C7: variants seen among roughly 807,000 people sequenced by gnomAD.
C7 encodes the protein complement component C7.
Under a neutral mutation model 104.8 loss-of-function variants are expected in C7, and 83 were observed. The observed-to-expected ratio is 0.79, with a 90% CI of 0.66 to 0.95. The LOEUF (loss-of-function observed/expected upper bound fraction) is 0.95. Ranked by LOEUF, C7 falls within the 40% of genes least tolerant of loss-of-function variation. C7 has a pLI of 0.00. For synonymous variants in C7, 415 were observed against 360.6 expected, an observed-to-expected ratio of 1.15 and a Z score of -1.71; for missense variants, 1,070 against 1,011.2, an observed-to-expected ratio of 1.06 and a Z score of -0.79.
In C7 at chr5:40,962,083, A is replaced by G; in HGVS notation, c.1662-2A>G. 1.3e-6 allele frequency: 2 copies of G among 1,500,860 alleles called. No individual in the cohort carries two copies. The highest frequency in any genetic ancestry group is 1.8e-6 in the Non-Finnish European group (2 of 1,112,040). The allele number at this position is 1,500,860 out of a possible 1,614,324, so 93.0% of individuals were successfully genotyped here. A position where few individuals can be genotyped will look rare whatever the true frequency, so the allele number is the denominator to read the frequency against. ...CATTAATTACATTTTTTTTCCTTCC[A>G]GGTTGCTTGAACCACATTGCTTTCC... is the stretch of plus-strand genomic sequence containing the variant. On this transcript the variant is annotated splice_acceptor_variant, in intron 12 of 17. Transcript: ENST00000313164. LOFTEE classifies it high-confidence loss of function.
chr5:40,962,187 A>G lies in C7; in HGVS notation c.1749+15A>G. 3 of 1,462,188 alleles carry G rather than the reference A, an allele frequency of 2.1e-6. No homozygotes were observed. Among genetic ancestry groups the G allele is most frequent in the Non-Finnish European group, 2.8e-6 (3 of 1,072,300 alleles). The allele number at this position is 1,462,188 out of a possible 1,614,324, so 90.6% of individuals were successfully genotyped here. A position where few individuals can be genotyped will look rare whatever the true frequency, so the allele number is the denominator to read the frequency against. ...GATTTGTTCAAGTTGGTTATGAAAG[A>G]TATTTTTTTCCTTTATAATGCTCTA... On this transcript the variant is annotated intron_variant, in intron 13 of 17. Coordinates refer to ENST00000313164, the MANE Select transcript of C7 (RefSeq NM_000587.4).
chr5:40,967,201 G>C (rs1277028935), intron 14 of C7, among the ~76,000 whole-genome samples: 1 of 151,852 alleles, frequency 6.6e-6, no homozygotes, highest in African/African-American at 2.4e-5. Flanking sequence ...GAGTAGCTGG[G>C]ACAACAGCCG....
chr5:40,953,116 C>G (rs1353062189), intron 9 of C7, among the ~76,000 whole-genome samples: 1 of 152,034 alleles, frequency 6.6e-6, no homozygotes, highest in Non-Finnish European at 1.5e-5. Context: ...AAAAGTGTTA[C>G]TGTATATATT....
chr5:40,918,515 A>G (rs932813022), intron 1 of C7, among the ~76,000 whole-genome samples: 2 of 152,174 alleles, frequency 1.3e-5, no homozygotes, highest in African/African-American at 4.8e-5. Context: ...GTGAATGAAT[A>G]AAAAAACAAG....
chr5:40,945,426 A>G (rs1045885299), intron 7 of C7, 58 bp downstream of exon 7: 4 of 1,132,924 alleles, frequency 3.5e-6, no homozygotes, highest in East Asian at 5.1e-5. Context: ...TATTGCTTAC[A>G]TTAATAAACT....
In C7 at chr5:40,966,618, C is replaced by T. The variant is rs182298773; in HGVS notation, c.1882+1745C>T. On this transcript the variant is annotated intron_variant, in intron 14 of 17. Coordinates refer to ENST00000313164, the MANE Select transcript of C7 (RefSeq NM_000587.4). ...GGTCTTGAACTCCTGACCTCGTGAT[C>T]TGCCTGAATCGGCCTCCCAAAGTGC... 2.6e-5 allele frequency among the ~76,000 whole-genome samples: 4 copies of T among 152,190 alleles called. No homozygotes were observed. In the East Asian group the frequency reaches 7.7e-4, roughly 29 times the overall value.
intron 6 of C7, 96 bp downstream of exon 6, chr5:40,937,786 G>A: frequency 9.8e-7 from 1 of 1,019,190 alleles, no homozygotes; most frequent in Non-Finnish European, 1.4e-6. Flanking sequence ...TTTACTTATG[G>A]CCTAATGTGT....
chr5:40,930,133 T>C (rs1472703760), intron 2 of C7, among the ~76,000 whole-genome samples: 1 of 152,136 alleles, frequency 6.6e-6, no homozygotes, highest in East Asian at 1.9e-4. Flanking sequence ...ATGAGATATA[T>C]TGTACTATGA....
At chr5:40,950,705 C>T (rs893136030) in intron 9 of C7, among the ~76,000 whole-genome samples, 4 of 152,158 alleles carry the variant, frequency 2.6e-5, no homozygotes, top group Non-Finnish European at 5.9e-5. Flanking sequence ...AATATGTTAT[C>T]AGTGTGCAGC....
Position 40,964,759 on chromosome 5 carries a change from C to A in C7, c.1768C>A (p.Pro590Thr). The A allele has an allele frequency of 6.2e-7, 1 of 1,613,086 alleles. No individual in the cohort carries two copies. Among genetic ancestry groups the A allele is most frequent in the Non-Finnish European group, 8.5e-7 (1 of 1,179,286 alleles). ...GFVQDEGTMF[P>T]VGKNVVYTCN... ...TGTTTAGGATGAAGGTACAATGTTT[C>A]CTGTGGGGAAAAATGTAGTGTACAC... is the stretch of plus-strand genomic sequence containing the variant. Residue 590 changes from proline (P) to threonine (T), a missense_variant, in exon 14 of 18, where the codon CCT (proline) becomes ACT (threonine). Coordinates refer to ENST00000313164, the MANE Select transcript of C7 (RefSeq NM_000587.4).
At chr5:40,922,948 A>G (rs1405968316) in intron 1 of C7, among the ~76,000 whole-genome samples, 2 of 152,204 alleles carry the variant, frequency 1.3e-5, no homozygotes, top group African/African-American at 2.4e-5. Context: ...TCAAAAACAC[A>G]GAAAACAAAA....
intron 4 of C7, 138 bp from the exon 5 acceptor site, chr5:40,936,200 C>T (rs1459817072): frequency 1.5e-6 from 1 of 650,908 alleles, no homozygotes; most frequent in Admixed American, 3.0e-5. Context: ...CTTTCCGAGA[C>T]ACTCTGAGGA....
chr5:40,929,786 G>T (rs1249306770), intron 2 of C7, among the ~76,000 whole-genome samples: 1 of 152,168 alleles, frequency 6.6e-6, no homozygotes, highest in Non-Finnish European at 1.5e-5. Context: ...AGCTGTTTAA[G>T]CTCAGATTGT....
intron 16 of C7, among the ~76,000 whole-genome samples, chr5:40,978,089 C>T (rs1168887605): frequency 6.9e-6 from 1 of 145,476 alleles, no homozygotes; most frequent in Non-Finnish European, 1.5e-5. Flanking sequence ...GAGCCACATT[C>T]ATGCCACCGC....
rs1379981735 is a variant in C7, at chr5:40,936,559, T to TAAG, written c.428+75_428+77dup. On this transcript the variant is annotated intron_variant, in intron 5 of 17. Coordinates refer to ENST00000313164, the MANE Select transcript of C7 (RefSeq NM_000587.4). ...AATTTTGTTTTATTTTATAGTTTGGTAAGTCTACGAACAAGTCTTCTAATA... is the reference window on the plus strand; with the variant it reads ...AATTTTGTTTTATTTTATAGTTTGGTAAGAAGTCTACGAACAAGTCTTCTAATA... 7 of 1,412,584 alleles carry TAAG rather than the reference T, an allele frequency of 5.0e-6. No individual in the cohort carries two copies. The African/African-American group carries it at 1.0e-4, about 20-fold the overall frequency. The allele number at this position is 1,412,584 out of a possible 1,614,324, so 87.5% of individuals were successfully genotyped here.
chr5:40,920,572 T>A (rs1054308112), intron 1 of C7, among the ~76,000 whole-genome samples: 4 of 150,280 alleles, frequency 2.7e-5, no homozygotes, highest in Admixed American at 6.6e-5. Flanking sequence ...ACTTGATGGC[T>A]TCATGGCTGA....
chr5:40,938,644 T>C (rs1739865570), intron 6 of C7, among the ~76,000 whole-genome samples: 1 of 152,202 alleles, frequency 6.6e-6, no homozygotes, highest in African/African-American at 2.4e-5. Context: ...ATGAGTGGCC[T>C]CCACTTCACA....
intron 10 of C7, among the ~76,000 whole-genome samples, chr5:40,957,752 G>A (rs552514973): frequency 3.1e-5 from 4 of 129,930 alleles, no homozygotes; most frequent in African/African-American, 1.1e-4. Context: ...CATCGCGCCT[G>A]GGCTGGTTTT....
At chr5:40,974,406 A>G (rs1344224683) in intron 15 of C7, among the ~76,000 whole-genome samples, 2 of 138,518 alleles carry the variant, frequency 1.4e-5, no homozygotes, top group African/African-American at 5.8e-5. Context: ...TTTTTCCACA[A>G]AGACATTATA....
Sources: gnomAD v4.1 joint callset for allele counts (sites outside exome capture counted in the v4.1 genomes callset) on GRCh38, gnomAD v4.1.1 for gene constraint, MANE v1.5 for transcripts, NCBI Gene and HGNC (gene_info 2026-07-23, HGNC 2026-07-21) for gene names.